Variants in SMC4 observed in about 807,000 individuals in gnomAD.
SMC4 encodes the protein structural maintenance of chromosomes 4.
In SMC4, 87 loss-of-function variants were observed where a neutral mutation model predicts 145.6. The observed-to-expected ratio is 0.60, with a 90% CI of 0.50 to 0.71. SMC4 has a LOEUF of 0.71. Among genes scored for constraint, SMC4 ranks in the 30% least tolerant of loss-of-function variants. The pLI, the probability that SMC4 is intolerant of heterozygous loss-of-function variation, is 0.00. For missense variants in SMC4, 1,447 were observed against 1,537.1 expected (o/e 0.94, Z 0.98); for synonymous variants, 558 against 500.7 (o/e 1.11, Z -1.53).
intron 4 of SMC4, 54 bp from the exon 5 acceptor site, chr3:160,404,274 G>A (rs1715054200): frequency 1.3e-6 from 2 of 1,498,624 alleles, no homozygotes; most frequent in Admixed American, 4.5e-5. Context: ...TTTGAAGTAG[G>A]CCTATGACTT....
chr3:160,425,022 A>ATATGTGTGTGTGTGTGTGTGTG lies in SMC4; in HGVS notation c.2478+4_2478+5insATGTGTGTGTGTGTGTGTGTGT. The ATATGTGTGTGTGTGTGTGTGTG allele has an allele frequency of 1.4e-6, 2 of 1,468,122 alleles. No individual in the cohort carries two copies. Among genetic ancestry groups the ATATGTGTGTGTGTGTGTGTGTG allele is most frequent in the East Asian group, 2.5e-5 (1 of 40,658 alleles). The allele number at this position is 1,468,122 out of a possible 1,614,324, so 90.9% of individuals were successfully genotyped here. ...AAAAATTTACTGCAAGCATCCAGGT[A>ATATGTGTGTGTGTGTGTGTGTG]TGTGTGTGTGTGTGTGTGTGTGTGT... On this transcript the variant is annotated splice_donor_region_variant and intron_variant, in intron 16 of 23. Coordinates refer to ENST00000357388, the MANE Select transcript of SMC4 (RefSeq NM_001002800.3).
At position 160,420,747 on chromosome 3, in the gene SMC4, TAGG is replaced by T; in HGVS notation, c.1868_1870del (p.Gly623del). Reference sequence around the variant, plus strand: ...CCCACTCTTCATTATTAGGGGGACTTAGGAGCCATTGATGAAAAATACGACGTG... The same window carrying T: ...CCCACTCTTCATTATTAGGGGGACTTAGCCATTGATGAAAAATACGACGTG... On this transcript the variant is annotated inframe_deletion, in exon 13 of 24. Coordinates refer to ENST00000357388, the MANE Select transcript of SMC4 (RefSeq NM_001002800.3). The T allele has an allele frequency of 6.2e-7, 1 of 1,613,730 alleles. No individual in the cohort carries two copies. The highest frequency in any genetic ancestry group is 2.2e-5 in the East Asian group (1 of 44,858).
intron 2 of SMC4, among the ~76,000 whole-genome samples, chr3:160,401,235 A>G (rs900356237): frequency 2.6e-5 from 4 of 151,934 alleles, no homozygotes; most frequent in Non-Finnish European, 1.5e-5. Context: ...ACAGGTCACA[A>G]ACAAAAATTC....
chr3:160,402,657 TTTTG>T lies in SMC4; in HGVS notation c.319-15_319-12del. ...CCTTATGAACTTTTCCGTGTTTTGT[TTTTG>T]TTTTTTTAATGCAGCGCTTTTCCTG... On this transcript the variant is annotated splice_polypyrimidine_tract_variant and intron_variant, in intron 3 of 23. Coordinates refer to ENST00000357388, the MANE Select transcript of SMC4 (RefSeq NM_001002800.3). The T allele has an allele frequency of 1.3e-6, 2 of 1,592,702 alleles. No homozygotes were observed. Among genetic ancestry groups the T allele is most frequent in the Non-Finnish European group, 1.7e-6 (2 of 1,174,886 alleles).
At position 160,417,861 on chromosome 3, in the gene SMC4, G is replaced by A; in HGVS notation, c.1576G>A (p.Ala526Thr). ...AVSQLTKAKE[A>T]LIAASETLKE... is the part of the protein sequence containing the mutation. ...GTCTCAATTAACTAAGGCTAAGGAAGCTCTAATTGCAGCTTCTGAGACTCT... is the reference window on the plus strand; with the variant it reads ...GTCTCAATTAACTAAGGCTAAGGAAACTCTAATTGCAGCTTCTGAGACTCT... Residue 526 changes from alanine to threonine, a missense_variant, in exon 11 of 24, where the codon GCT (alanine) becomes ACT (threonine). Coordinates refer to ENST00000357388, the MANE Select transcript of SMC4 (RefSeq NM_001002800.3). The A allele has an allele frequency of 6.2e-7, 1 of 1,613,702 alleles. No homozygotes were observed. Among genetic ancestry groups the A allele is most frequent in the Non-Finnish European group, 8.5e-7 (1 of 1,179,810 alleles).
chr3:160,431,572 A>AT (rs575140761), intron 20 of SMC4, 71 bp from the exon 21 acceptor site: 1,140 of 1,144,256 alleles, frequency 1.0e-3, no homozygotes, highest in Non-Finnish European at 1.2e-3. Flanking sequence ...AATTTGTCAT[A>AT]TTTTTTTTTA....
At position 160,413,618 on chromosome 3, in the gene SMC4, T is replaced by C. The variant is rs750374194; in HGVS notation, c.1121+5T>C. ...AGATGTAAAAGATACAGAAAAGTAA[T>C]AATATTTTGGGAAGTACTAAAAGTA... On this transcript the variant is annotated splice_donor_5th_base_variant and intron_variant, in intron 8 of 23. Coordinates refer to ENST00000357388, the MANE Select transcript of SMC4 (RefSeq NM_001002800.3). 21 of 1,335,956 alleles carry C rather than the reference T, an allele frequency of 1.6e-5. No individual in the cohort carries two copies. The South Asian group carries it at 1.7e-4, about 11-fold the overall frequency. The allele number at this position is 1,335,956 out of a possible 1,614,324, so 82.8% of individuals were successfully genotyped here.
chr3:160,431,541 C>T, intron 20 of SMC4, 102 bp from the exon 21 acceptor site: 1 of 893,556 alleles, frequency 1.1e-6, no homozygotes, highest in African/African-American at 1.7e-5. Flanking sequence ...GTCACAACTC[C>T]TGTTGTTTTC....
At chr3:160,432,158 C>T (rs544619610) in intron 21 of SMC4, 125 bp from the exon 22 acceptor site, 70 of 739,100 alleles carry the variant, frequency 9.5e-5, no homozygotes, top group East Asian at 6.6e-4. Flanking sequence ...GCCGAGATCG[C>T]GCCATTGCAC....
At chr3:160,421,969 A>T (rs1346007105) in intron 13 of SMC4, among the ~76,000 whole-genome samples, 1 of 152,218 alleles carries the variant, frequency 6.6e-6, no homozygotes, top group Non-Finnish European at 1.5e-5. Context: ...ATCATACAAT[A>T]TATGGCCTTT....
At chr3:160,412,115 CAG>C in intron 6 of SMC4, 31 bp downstream of exon 6, 1 of 1,590,384 alleles carries the variant, frequency 6.3e-7, no homozygotes, top group Non-Finnish European at 8.6e-7. Flanking sequence ...CATTGTAAAT[CAG>C]AATGTTTCAT....
At position 160,433,922 on chromosome 3, in the gene SMC4, G is replaced by C; in HGVS notation, c.*113G>C. On this transcript the variant is annotated 3_prime_UTR_variant, in exon 24 of 24. Transcript: ENST00000357388. The stretch of plus-strand genomic sequence containing the variant: ...ACTCCCTAAACTAGATCATGAAACT[G>C]GTTTCTGTTTTATGCAGTTGTCATT... 2 of 735,330 alleles carry C rather than the reference G, an allele frequency of 2.7e-6. No homozygotes were observed. Among genetic ancestry groups the C allele is most frequent in the Non-Finnish European group, 4.4e-6 (2 of 459,568 alleles). The allele number at this position is 735,330 out of a possible 1,614,324, so 45.6% of individuals were successfully genotyped here. A position where few individuals can be genotyped will look rare whatever the true frequency, so the allele number is the denominator to read the frequency against.
chr3:160,428,897 C>T lies in SMC4; in HGVS notation c.2750C>T (p.Ala917Val), dbSNP rs764875923. Residue 917 changes from alanine to valine, a missense_variant, in exon 18 of 24, where the codon GCT becomes GTT. Physicochemically the swap from Ala to Val is moderately conservative, Grantham distance 64. Transcript: ENST00000357388. ...ATAAATAAGCAATTAGATGAATGTGCTTCTGCTATTACTAAAGCCCAAGTA... is the reference window on the plus strand; with the variant it reads ...ATAAATAAGCAATTAGATGAATGTGTTTCTGCTATTACTAAAGCCCAAGTA... ...DKINKQLDEC[A>V]SAITKAQVAI... 1 of 1,600,526 alleles carries T rather than the reference C, an allele frequency of 6.2e-7. No homozygotes were observed. The highest frequency in any genetic ancestry group is 1.1e-5 in the South Asian group (1 of 87,756).
intron 17 of SMC4, among the ~76,000 whole-genome samples, chr3:160,428,471 A>G (rs918831800): frequency 1.3e-5 from 2 of 152,224 alleles, no homozygotes; most frequent in African/African-American, 4.8e-5. Flanking sequence ...GAAGTGCCCT[A>G]AGAAAAAGTT....
chr3:160,406,024 CT>C (rs891786840), intron 5 of SMC4, among the ~76,000 whole-genome samples: 4 of 151,984 alleles, frequency 2.6e-5, no homozygotes, highest in African/African-American at 9.7e-5. Flanking sequence ...ATTTTTTTCT[CT>C]GTACAGCATC....
chr3:160,430,020 T>A (rs1285913452), intron 18 of SMC4, among the ~76,000 whole-genome samples: 1 of 152,140 alleles, frequency 6.6e-6, no homozygotes, highest in Non-Finnish European at 1.5e-5. Flanking sequence ...CGGCCTTAAT[T>A]TTTTTAGAGT....
chr3:160,423,925 A>G (rs1717483860), intron 15 of SMC4, 85 bp downstream of exon 15: 1 of 1,004,560 alleles, frequency 1.0e-6, no homozygotes, highest in African/African-American at 1.6e-5. Flanking sequence ...AAATTTGGCC[A>G]TTTTAAGTAT....
rs182181303 is a variant in SMC4, at chr3:160,406,315, G to A, written c.687+1811G>A. 4.6e-3 allele frequency among the ~76,000 whole-genome samples: 696 copies of A among 152,186 alleles called. 7 individuals carry two copies. The highest frequency in any genetic ancestry group is 0.014 in the Middle Eastern group (4 of 294). On this transcript the variant is annotated intron_variant, in intron 5 of 23. Coordinates refer to ENST00000357388, the MANE Select transcript of SMC4 (RefSeq NM_001002800.3). ...AAGGACCTTAGGAACTCACTTGTTA[G>A]GAATAAGAAACAGGGATTGGACTAC... is the stretch of plus-strand genomic sequence containing the variant.
rs144151045 is a variant in SMC4, at chr3:160,409,964, T to C, written c.688-1956T>C. ...GGTGGTGTGCATCTGTAGTCCCGGC[T>C]ACTTGGGACACTGAGGTGGGCGGAT... On this transcript the variant is annotated intron_variant, in intron 5 of 23. Coordinates refer to ENST00000357388, the MANE Select transcript of SMC4 (RefSeq NM_001002800.3). 2.2e-4 allele frequency among the ~76,000 whole-genome samples: 34 copies of C among 152,232 alleles called. No individual in the cohort carries two copies. In the East Asian group the frequency reaches 6.2e-3, roughly 28 times the overall value.
Sources: gnomAD v4.1 joint callset for allele counts (sites outside exome capture counted in the v4.1 genomes callset) on GRCh38, gnomAD v4.1.1 for gene constraint, MANE v1.5 for transcripts, NCBI Gene and HGNC (gene_info 2026-07-23, HGNC 2026-07-21) for gene names.